Variants in ZNF732 observed in about 807,000 individuals in gnomAD.
ZNF732 encodes the protein zinc finger protein LOC654254.
ZNF732 carries 12 observed loss-of-function variants against 11.5 expected under a neutral mutation model. The ratio of observed to expected loss-of-function variants is 1.05; its 90% CI spans 0.67 to 1.70. The LOEUF (loss-of-function observed/expected upper bound fraction) is 1.70, where lower values mean the gene tolerates loss of function less well. Ranked by LOEUF, ZNF732 falls within the 40% of genes most tolerant of loss-of-function variation. The pLI, the probability that ZNF732 is intolerant of heterozygous loss-of-function variation, is 0.00. For missense variants in ZNF732, 702 were observed against 676.9 expected (o/e 1.04, Z -0.41); for synonymous variants, 231 against 236.5 (o/e 0.98, Z 0.21).
At position 294,495 on chromosome 4, in the gene ZNF732, T is replaced by C. The variant is rs28498753; in HGVS notation, c.226+943A>G. Among the ~76,000 whole-genome samples, 1,418 of 152,286 alleles carry C rather than the reference T, an allele frequency of 9.3e-3. 24 individuals are homozygous for C. The highest frequency in any genetic ancestry group is 0.032 in the African/African-American group (1,344 of 41,536). On this transcript the variant is annotated intron_variant, in intron 3 of 3. Coordinates refer to ENST00000419098, the MANE Select transcript of ZNF732 (RefSeq NM_001137608.3). Reference sequence around the variant, plus strand: ...AAATAAGACAAAATTATAATAGTTATTAAGAAATAAGGTAATGATTGAGCG... The same window carrying C: ...AAATAAGACAAAATTATAATAGTTACTAAGAAATAAGGTAATGATTGAGCG...
At chr4:288,350 T>C (rs879967767) in intron 3 of ZNF732, among the ~76,000 whole-genome samples, 1 of 152,192 alleles carries the variant, frequency 6.6e-6, no homozygotes, top group Non-Finnish European at 1.5e-5. Context: ...ATTCCTATAT[T>C]TTCTTCTAAA....
chr4:303,042 T>C (rs1185624746), intron 1 of ZNF732, among the ~76,000 whole-genome samples: 1 of 152,156 alleles, frequency 6.6e-6, no homozygotes, highest in African/African-American at 2.4e-5. Flanking sequence ...AATTAACTGA[T>C]AAAATACTGT....
Position 305,333 on chromosome 4 carries a change from G to A in ZNF732, c.-23C>T, listed in dbSNP as rs1218800465. ...CATTTCCCCACTTCAGGGGTGTAGC[G>A]GAGTCTCAGCTACGAATCATCCAAT... On this transcript the variant is annotated 5_prime_UTR_variant, in exon 1 of 4. Transcript: ENST00000419098. 21 of 1,607,610 alleles carry A rather than the reference G, an allele frequency of 1.3e-5. No homozygotes were observed. The highest frequency in any genetic ancestry group is 1.7e-5 in the Non-Finnish European group (20 of 1,179,836).
rs1414013444 is a variant in ZNF732, at chr4:270,971, A to C, written c.*128T>G. On this transcript the variant is annotated 3_prime_UTR_variant, in exon 4 of 4. Transcript: ENST00000419098. The stretch of plus-strand genomic sequence containing the variant: ...CCAGTATGAATTCTTACTTTCATTC[A>C]GGGTTGTGGACCATCCAAAAGCTTT... 1 of 858,204 alleles carries C rather than the reference A, an allele frequency of 1.2e-6. No homozygotes were observed. The highest frequency in any genetic ancestry group is 1.9e-6 in the Non-Finnish European group (1 of 528,960). The allele number at this position is 858,204 out of a possible 1,614,324, so 53.2% of individuals were successfully genotyped here. A position where few individuals can be genotyped will look rare whatever the true frequency, so the allele number is the denominator to read the frequency against.
At chr4:276,674 T>G (rs972297051) in intron 3 of ZNF732, among the ~76,000 whole-genome samples, 27 of 151,826 alleles carry the variant, frequency 1.8e-4, no homozygotes, top group African/African-American at 6.5e-4. Context: ...ACATGAAAAT[T>G]TGAAAGATAT....
intron 3 of ZNF732, among the ~76,000 whole-genome samples, chr4:284,115 G>A (rs189787875): frequency 6.6e-5 from 10 of 152,198 alleles, no homozygotes; most frequent in Non-Finnish European, 1.3e-4. Context: ...GTTTCACCTT[G>A]TTAACTAGGA....
Position 272,241 on chromosome 4 carries a change from A to G in ZNF732, c.616T>C (p.Trp206Arg), listed in dbSNP as rs782636811. 6.2e-7 allele frequency: 1 copy of G among 1,609,954 alleles called. No individual in the cohort carries two copies. Among genetic ancestry groups the G allele is most frequent in the South Asian group, 1.1e-5 (1 of 90,490 alleles). ...TCEECGKDFK[W>R]YLIFNEYEII... ...TCATATTCATTAAAGATTAAATACC[A>G]TTTAAAGTCTTTGCCACATTCTTCA... Residue 206 changes from tryptophan to arginine, a missense_variant, in exon 4 of 4, where the codon TGG (tryptophan) becomes CGG (arginine). Physicochemically the swap from Trp to Arg is moderately radical, Grantham distance 101 (BLOSUM62 -3). This residue lies in a region of ZNF732 where 596 missense variants were observed against 557.9 expected (regional missense o/e 1.07). Transcript: ENST00000419098.
At chr4:302,786 G>C (rs188255607) in intron 1 of ZNF732, among the ~76,000 whole-genome samples, 2 of 152,270 alleles carry the variant, frequency 1.3e-5, no homozygotes, top group Non-Finnish European at 2.9e-5. Flanking sequence ...GACAGGAGCA[G>C]TGGCTCACGC....
At chr4:288,317 C>A (rs1408574219) in intron 3 of ZNF732, among the ~76,000 whole-genome samples, 1 of 152,182 alleles carries the variant, frequency 6.6e-6, no homozygotes, top group Non-Finnish European at 1.5e-5. Flanking sequence ...GAAAACATTG[C>A]TGAGACCAAC....
At chr4:289,582 G>A (rs2108657374) in intron 3 of ZNF732, among the ~76,000 whole-genome samples, 1 of 152,302 alleles carries the variant, frequency 6.6e-6, no homozygotes, top group South Asian at 2.1e-4. Flanking sequence ...CTTATTGTTA[G>A]CATAGTTTTC....
chr4:296,253 T>C (rs573688241), intron 1 of ZNF732, 98 bp from the exon 2 acceptor site: 81 of 1,476,628 alleles, frequency 5.5e-5, no homozygotes, highest in African/African-American at 3.0e-4. Context: ...ACTGAGATTA[T>C]CTGATAAAAT....
chr4:279,798 T>C (rs186146359), intron 3 of ZNF732, among the ~76,000 whole-genome samples: 175 of 152,234 alleles, frequency 1.1e-3, no homozygotes, highest in African/African-American at 3.9e-3. Context: ...TAACATATAC[T>C]CAAACAATAA....
chr4:288,917 C>A (rs1560161488), intron 3 of ZNF732, among the ~76,000 whole-genome samples: 1 of 152,128 alleles, frequency 6.6e-6, no homozygotes, highest in Non-Finnish European at 1.5e-5. Context: ...GTTATTGCAA[C>A]AATATTCACT....
At chr4:288,970 A>G (rs1553841007) in intron 3 of ZNF732, among the ~76,000 whole-genome samples, 1 of 152,192 alleles carries the variant, frequency 6.6e-6, no homozygotes, top group African/African-American at 2.4e-5. Context: ...CTGACACTGG[A>G]TATCTTATTT....
intron 3 of ZNF732, among the ~76,000 whole-genome samples, chr4:284,732 G>A (rs781878481): frequency 3.5e-4 from 53 of 151,602 alleles, no homozygotes; most frequent in South Asian, 6.2e-4. Flanking sequence ...TTCGCCGGGC[G>A]TGGTGGCGGG....
At chr4:291,900 G>A (rs1027416938) in intron 3 of ZNF732, among the ~76,000 whole-genome samples, 34 of 152,238 alleles carry the variant, frequency 2.2e-4, no homozygotes, top group Admixed American at 5.2e-4. Context: ...GAATAGCCCA[G>A]AAACAAATCC....
intron 1 of ZNF732, among the ~76,000 whole-genome samples, chr4:299,452 CACATATGTGTATATATATA>C (rs1720050648): frequency 1.5e-5 from 1 of 65,578 alleles, no homozygotes; most frequent in South Asian, 9.0e-4. Context: ...TATATATATA[CACATATGTGTATATATATA>C]TACACATATA....
chr4:304,393 C>A (rs953672122), intron 1 of ZNF732, among the ~76,000 whole-genome samples: 8 of 152,118 alleles, frequency 5.3e-5, no homozygotes, highest in Non-Finnish European at 1.0e-4. Context: ...CCCGCAGACA[C>A]CAGGCATCTT....
Position 291,165 on chromosome 4 carries a change from G to C in ZNF732, c.226+4273C>G, listed in dbSNP as rs140737865. Among the ~76,000 whole-genome samples, 1,342 of 152,282 alleles carry C rather than the reference G, an allele frequency of 8.8e-3. 8 individuals are homozygous for C. The highest frequency in any genetic ancestry group is 0.017 in the Middle Eastern group (5 of 294). ...TCATGCATATATATGAAACCCTAGA[G>C]TGGAATAACAAAAACTGAACTAATA... is the stretch of plus-strand genomic sequence containing the variant. On this transcript the variant is annotated intron_variant, in intron 3 of 3. Transcript: ENST00000419098.
Sources: allele counts gnomAD v4.1 joint callset (sites outside exome capture counted in the v4.1 genomes callset), GRCh38; gene constraint gnomAD v4.1.1; regional missense constraint gnomAD v4.1.1; transcripts MANE v1.5; gene names NCBI Gene and HGNC (gene_info 2026-07-23, HGNC 2026-07-21).